Variants in PRKCE observed in about 807,000 individuals in gnomAD.
The protein encoded by PRKCE is protein kinase C epsilon type.
In PRKCE, 16 loss-of-function variants were observed where a neutral mutation model predicts 85.4. The observed-to-expected ratio is 0.19, with a 90% CI of 0.13 to 0.28. The LOEUF (loss-of-function observed/expected upper bound fraction) is 0.28. PRKCE is among the 10% of genes least tolerant of loss of function. The pLI is 1.00. For synonymous variants in PRKCE, 388 were observed against 371.5 expected (o/e 1.04, Z -0.51); for missense variants, 573 against 975.2 (o/e 0.59, Z 5.49).
intron 1 of PRKCE, among the ~76,000 whole-genome samples, chr2:45,813,195 T>C (rs1236247488): frequency 1.3e-5 from 2 of 152,196 alleles, no homozygotes; most frequent in African/African-American, 4.8e-5. Context: ...TACACCTTCC[T>C]GAGGCACTTA....
intron 10 of PRKCE, among the ~76,000 whole-genome samples, chr2:46,076,547 G>C (rs1668575222): frequency 1.3e-5 from 2 of 152,120 alleles, no homozygotes; most frequent in Non-Finnish European, 2.9e-5. Context: ...TCTAAACTTG[G>C]GGTATCCTGT....
intron 10 of PRKCE, among the ~76,000 whole-genome samples, chr2:46,013,730 T>C (rs1382935674): frequency 2.0e-5 from 3 of 152,234 alleles, no homozygotes; most frequent in African/African-American, 7.2e-5. Context: ...ACAGCAATAA[T>C]ATTAAGTCGA....
At chr2:45,919,046 G>A (rs573388466) in intron 2 of PRKCE, among the ~76,000 whole-genome samples, 6 of 152,308 alleles carry the variant, frequency 3.9e-5, no homozygotes, top group African/African-American at 1.4e-4. Flanking sequence ...TTAGGCTGGA[G>A]GCCAGCCCAC....
At chr2:45,664,238 A>G (rs542467399) in intron 1 of PRKCE, among the ~76,000 whole-genome samples, 1 of 152,342 alleles carries the variant, frequency 6.6e-6, no homozygotes, top group South Asian at 2.1e-4. Context: ...AAGTTCACAG[A>G]TCTAAAACTA....
At chr2:46,144,598 G>A (rs1675885618) in intron 11 of PRKCE, among the ~76,000 whole-genome samples, 1 of 152,188 alleles carries the variant, frequency 6.6e-6, no homozygotes, top group African/African-American at 2.4e-5. Context: ...CTAGCTGTTT[G>A]TGGTCTCCCG....
At chr2:45,681,587 T>G (rs1405257865) in intron 1 of PRKCE, among the ~76,000 whole-genome samples, 1 of 152,220 alleles carries the variant, frequency 6.6e-6, no homozygotes, top group Non-Finnish European at 1.5e-5. Flanking sequence ...CTTGACTCCT[T>G]GAGCTGTTTC....
intron 10 of PRKCE, among the ~76,000 whole-genome samples, chr2:46,019,398 C>T (rs893108620): frequency 1.3e-5 from 2 of 152,148 alleles, no homozygotes; most frequent in South Asian, 2.1e-4. Context: ...GGTGGTTCCC[C>T]GCTGGCACCC....
At chr2:45,698,013 T>C (rs909393517) in intron 1 of PRKCE, 2 of 152,632 alleles carry the variant, frequency 1.3e-5, no homozygotes, top group African/African-American at 4.8e-5. Context: ...CCTGAGGGTA[T>C]GTCAACTCCA....
At chr2:45,840,086 C>A (rs961972975) in intron 1 of PRKCE, among the ~76,000 whole-genome samples, 7 of 152,160 alleles carry the variant, frequency 4.6e-5, no homozygotes, top group African/African-American at 1.7e-4. Flanking sequence ...GCCCCGAAGC[C>A]CATCTCATTC....
At chr2:46,111,251 C>T (rs1186001139) in intron 11 of PRKCE, among the ~76,000 whole-genome samples, 2 of 152,106 alleles carry the variant, frequency 1.3e-5, no homozygotes, top group African/African-American at 4.8e-5. Context: ...TATTGATTTT[C>T]TGCCTGCTTG....
chr2:45,944,621 CG>C (rs1700109014), intron 2 of PRKCE, among the ~76,000 whole-genome samples: 1 of 148,804 alleles, frequency 6.7e-6, no homozygotes, highest in Non-Finnish European at 1.5e-5. Flanking sequence ...CCCAAGTAGC[CG>C]GGACTACAGG....
chr2:46,125,276 G>A (rs144941860), intron 11 of PRKCE, among the ~76,000 whole-genome samples: 19 of 152,278 alleles, frequency 1.2e-4, no homozygotes, highest in African/African-American at 2.9e-4. Context: ...GAAAATAGGC[G>A]TCATCCCCGG....
intron 11 of PRKCE, among the ~76,000 whole-genome samples, chr2:46,112,087 C>A (rs1672309640): frequency 6.6e-6 from 1 of 152,010 alleles, no homozygotes; most frequent in Non-Finnish European, 1.5e-5. Flanking sequence ...TAGTTGTATA[C>A]CTGTTTAGGA....
At position 45,774,856 on chromosome 2, in the gene PRKCE, G is replaced by A. The variant is rs1032556575; in HGVS notation, c.349-68144G>A. Among the ~76,000 whole-genome samples the A allele has an allele frequency of 1.3e-5, 2 of 152,084 alleles. No homozygotes were observed. The highest frequency in any genetic ancestry group is 1.9e-4 in the East Asian group (1 of 5,162). ...TCCTGCTCCTCCCATTCCTGAGTTC[G>A]TCTCCAAGTCCAGGGTATCACTGTG... On this transcript the variant is annotated intron_variant, in intron 1 of 14. Coordinates refer to ENST00000306156, the MANE Select transcript of PRKCE (RefSeq NM_005400.3). This position sits in a 1 kb window ranked among gnomAD's most constrained non-coding sequence, Gnocchi z 4.3.
chr2:45,858,371 T>TG (rs777149405), intron 2 of PRKCE, among the ~76,000 whole-genome samples: 20 of 141,416 alleles, frequency 1.4e-4, no homozygotes, highest in Non-Finnish European at 2.6e-4. Flanking sequence ...TTAGAAATGA[T>TG]GGGGTTTTTT....
intron 10 of PRKCE, among the ~76,000 whole-genome samples, chr2:46,028,595 C>T (rs1707298139): frequency 2.0e-5 from 3 of 152,188 alleles, no homozygotes; most frequent in Admixed American, 6.5e-5. Flanking sequence ...TTCCTTGCTG[C>T]CATCACATAC....
intron 11 of PRKCE, among the ~76,000 whole-genome samples, chr2:46,142,778 CA>C (rs1675684070): frequency 1.3e-5 from 2 of 152,258 alleles, no homozygotes; most frequent in South Asian, 4.1e-4. Flanking sequence ...CCACCTGAGG[CA>C]ATCCTGGGCA....
chr2:46,106,801 T>G (rs1671759084), intron 11 of PRKCE, among the ~76,000 whole-genome samples: 1 of 152,242 alleles, frequency 6.6e-6, no homozygotes, highest in Admixed American at 6.5e-5. Flanking sequence ...TACAGTGATT[T>G]TCTGAGTTAT....
At chr2:46,077,195 G>A (rs148487583) in intron 10 of PRKCE, among the ~76,000 whole-genome samples, 17 of 149,512 alleles carry the variant, frequency 1.1e-4, no homozygotes, top group African/African-American at 2.9e-4. Flanking sequence ...ACACGCACGC[G>A]CACACCCAAA....
Sources: gnomAD v4.1 joint callset for allele counts (sites outside exome capture counted in the v4.1 genomes callset) on GRCh38, gnomAD v4.1.1 for gene constraint, Gnocchi (gnomAD v3.1) non-coding constraint, MANE v1.5 for transcripts, NCBI Gene and HGNC (gene_info 2026-07-23, HGNC 2026-07-21) for gene names.